The following PTPRF variants were observed in gnomAD, a reference collection of about 807,000 sequenced individuals.
PTPRF encodes protein tyrosine phosphatase receptor type F, also known as receptor-type tyrosine-protein phosphatase F.
A neutral mutation model predicts 201.8 loss-of-function variants in PTPRF; 59 were observed. The ratio of observed to expected loss-of-function variants is 0.29; its 90% CI spans 0.24 to 0.36. The LOEUF is 0.36. Ranked by LOEUF, PTPRF falls within the 10% of genes least tolerant of loss-of-function variation. PTPRF has a pLI of 1.00. For synonymous variants in PTPRF, 1,088 were observed against 1,089.7 expected, an observed-to-expected ratio of 1.00 and a Z score of 0.03; for missense variants, 2,132 against 2,690.5, an observed-to-expected ratio of 0.79 and a Z score of 4.59.
At chr1:43,568,804 C>T (rs942804808) in intron 5 of PTPRF, among the ~76,000 whole-genome samples, 1 of 152,208 alleles carries the variant, frequency 6.6e-6, no homozygotes, top group African/African-American at 2.4e-5. Flanking sequence ...TGTGTGCCGC[C>T]AACCCCTAGC....
chr1:43,566,019 T>C (rs1646152098), intron 5 of PTPRF, among the ~76,000 whole-genome samples: 1 of 151,988 alleles, frequency 6.6e-6, no homozygotes, highest in South Asian at 2.1e-4. Context: ...GGAAAATGGG[T>C]GGGTGCTTGC....
At chr1:43,609,640 C>G (rs1655972090) in intron 22 of PTPRF, 142 bp downstream of exon 22, 2 of 640,840 alleles carry the variant, frequency 3.1e-6, no homozygotes, top group South Asian at 1.9e-5. Context: ...CTGCCCTTCT[C>G]CCTGTGCTCA....
In PTPRF at chr1:43,591,296, T is replaced by TG; in HGVS notation, c.1275dup (p.Ser426GlufsTer119). ...CCGCGCCGCGTGCAGGCACGCATGC[T>TG]GAGCGCCAGCACCATGCTGGTGCAG... On this transcript the variant is annotated frameshift_variant, in exon 9 of 34. Coordinates refer to ENST00000359947, the MANE Select transcript of PTPRF (RefSeq NM_002840.5). LOFTEE classifies it high-confidence loss of function. 6.4e-7 allele frequency: 1 copy of TG among 1,552,558 alleles called. No individual in the cohort carries two copies. The highest frequency in any genetic ancestry group is 8.7e-7 in the Non-Finnish European group (1 of 1,149,996).
At position 43,622,334 on chromosome 1, in the gene PTPRF, T is replaced by C; in HGVS notation, c.*331T>C. Reference sequence around the variant, plus strand: ...GGTTGGGGCAAAGCCTCCTTTTTAATACATTAAGTGGGGTAGACTGAGGGA... The same window carrying C: ...GGTTGGGGCAAAGCCTCCTTTTTAACACATTAAGTGGGGTAGACTGAGGGA... On this transcript the variant is annotated 3_prime_UTR_variant, in exon 34 of 34. Coordinates refer to ENST00000359947, the MANE Select transcript of PTPRF (RefSeq NM_002840.5). 1 of 344,792 alleles carries C rather than the reference T, an allele frequency of 2.9e-6. No individual in the cohort carries two copies. The highest frequency in any genetic ancestry group is 5.4e-6 in the Non-Finnish European group (1 of 185,936). 21.4% of individuals were successfully genotyped at this position (344,792 alleles called of 1,614,324 possible).
chr1:43,595,119 C>T (rs150943539), intron 11 of PTPRF, among the ~76,000 whole-genome samples: 50 of 152,288 alleles, frequency 3.3e-4, no homozygotes, highest in African/African-American at 1.1e-3. Context: ...CAAGCCTAGA[C>T]GTTGCCAGAA....
intron 12 of PTPRF, 50 bp from the exon 13 acceptor site, chr1:43,598,670 C>G: frequency 6.4e-7 from 1 of 1,560,026 alleles, no homozygotes; most frequent in Non-Finnish European, 8.8e-7. Flanking sequence ...CCCACCTGAG[C>G]TAGGGTTGAT....
At position 43,597,733 on chromosome 1, in the gene PTPRF, A is replaced by G. The variant is rs781081978; in HGVS notation, c.1814-15A>G. Reference sequence around the variant, plus strand: ...CCCTCCATCTGCTTGCTTCCCCCCCATTTGTCTTCCCCAGCCCCCTCCGCC... The same window carrying G: ...CCCTCCATCTGCTTGCTTCCCCCCCGTTTGTCTTCCCCAGCCCCCTCCGCC... On this transcript the variant is annotated splice_polypyrimidine_tract_variant and intron_variant, in intron 11 of 33. Transcript: ENST00000359947. The G allele has an allele frequency of 1.0e-5, 5 of 480,682 alleles. No homozygotes were observed. The East Asian group carries it at 1.9e-4, about 18-fold the overall frequency. 29.8% of individuals were successfully genotyped at this position (480,682 alleles called of 1,614,324 possible). A position where few individuals can be genotyped will look rare whatever the true frequency, so the allele number is the denominator to read the frequency against.
chr1:43,603,998 T>G lies in PTPRF; in HGVS notation c.2846T>G (p.Ile949Ser). 1 of 1,614,176 alleles carries G rather than the reference T, an allele frequency of 6.2e-7. No individual in the cohort carries two copies. Among genetic ancestry groups the G allele is most frequent in the East Asian group, 2.2e-5 (1 of 44,884 alleles). The change falls in exon 16 of 34, where the codon ATC (isoleucine) becomes AGC (serine). Residue 949 changes from isoleucine (I) to serine (S), a missense_variant. Ile to Ser is a moderately radical substitution (Grantham distance 142). Transcript: ENST00000359947. This position sits in a 1 kb window ranked among gnomAD's most constrained non-coding sequence, Gnocchi z 5.8. ...PVLAERNGRI[I>S]SYTVVFRDIN... is the part of the protein sequence containing the mutation. Reference sequence around the variant, plus strand: ...CTGGCGGAGAGGAACGGGCGCATCATCAGCTACACCGTGGTGTTCCGAGAC... The same window carrying G: ...CTGGCGGAGAGGAACGGGCGCATCAGCAGCTACACCGTGGTGTTCCGAGAC...
At chr1:43,608,916 TC>T (rs1655793077) in intron 21 of PTPRF, among the ~76,000 whole-genome samples, 2 of 152,164 alleles carry the variant, frequency 1.3e-5, no homozygotes, top group African/African-American at 4.8e-5. Flanking sequence ...GTGACGCCTT[TC>T]CCGTCCCTCC....
chr1:43,532,627 G>T (rs761643934), intron 1 of PTPRF: 1 of 169,510 alleles, frequency 5.9e-6, no homozygotes, highest in East Asian at 1.5e-4. Flanking sequence ...AGGCTTCGGG[G>T]ATCTGAGGGA....
At chr1:43,609,323 A>C in intron 21 of PTPRF, 60 bp from the exon 22 acceptor site, 2 of 1,391,672 alleles carry the variant, frequency 1.4e-6, no homozygotes, top group Non-Finnish European at 2.0e-6. Context: ...CAGCCATGCC[A>C]TGTGTCACTG....
In PTPRF at chr1:43,619,550, A is replaced by G; in HGVS notation, c.4909A>G (p.Thr1637Ala). The change falls in exon 28 of 34, where the codon ACC (threonine) becomes GCC (alanine). Residue 1637 changes from threonine (T) to alanine (A), a missense_variant. Physicochemically the swap from Thr to Ala is moderately conservative, Grantham distance 58 (BLOSUM62 0). This residue lies in a region of PTPRF where 519 missense variants were observed against 659.5 expected (regional missense o/e 0.79). Transcript: ENST00000359947. ...LGQVPPGESV[T>A]AMELEFKLLA... ...CCAAGTGCCTCCAGGGGAGAGTGTG[A>G]CCGCCATGGAGCTCGAGTTCAAGGT... The G allele has an allele frequency of 1.2e-6, 2 of 1,612,826 alleles. No individual in the cohort carries two copies. The highest frequency in any genetic ancestry group is 1.7e-6 in the Non-Finnish European group (2 of 1,179,020).
intron 3 of PTPRF, among the ~76,000 whole-genome samples, chr1:43,550,120 G>C (rs1644926860): frequency 6.6e-6 from 1 of 151,956 alleles, no homozygotes; most frequent in African/African-American, 2.4e-5. Context: ...CTGGTCCCCC[G>C]GGCTGCCTTG....
At chr1:43,552,311 T>C (rs1206592337) in intron 3 of PTPRF, among the ~76,000 whole-genome samples, 3 of 152,166 alleles carry the variant, frequency 2.0e-5, no homozygotes, top group African/African-American at 7.2e-5. Flanking sequence ...TGAACTGTTT[T>C]GTACCAGGTG....
chr1:43,558,607 G>A (rs1020936672), intron 5 of PTPRF, among the ~76,000 whole-genome samples: 2 of 152,180 alleles, frequency 1.3e-5, no homozygotes, highest in Non-Finnish European at 2.9e-5. Flanking sequence ...CCATTAGCGC[G>A]CCAGCCTCTC....
chr1:43,598,547 G>T, intron 12 of PTPRF, 173 bp from the exon 13 acceptor site: 1 of 638,980 alleles, frequency 1.6e-6, no homozygotes, highest in Non-Finnish European at 2.7e-6. Flanking sequence ...TACCCGTGGC[G>T]GGCAGAGGGA....
chr1:43,610,924 A>G (rs889667586), intron 22 of PTPRF, among the ~76,000 whole-genome samples: 1 of 152,222 alleles, frequency 6.6e-6, no homozygotes, highest in Admixed American at 6.5e-5. Context: ...TTTATATGCT[A>G]CCTACCTATG....
At position 43,591,561 on chromosome 1, in the gene PTPRF, G is replaced by A. The variant is rs1391624274; in HGVS notation, c.1531+8G>A. 6.4e-7 allele frequency: 1 copy of A among 1,552,456 alleles called. No homozygotes were observed. The highest frequency in any genetic ancestry group is 2.4e-5 in the East Asian group (1 of 42,296). On this transcript the variant is annotated splice_region_variant and intron_variant, in intron 9 of 33. Transcript: ENST00000359947. ...TCAAGACGCAGCAGGGAGGTAGGTG[G>A]GGGCATGCCGGCTGGGCAGCCAACA...
chr1:43,613,959 G>A (rs567981414), intron 23 of PTPRF, among the ~76,000 whole-genome samples: 2 of 152,358 alleles, frequency 1.3e-5, no homozygotes, highest in South Asian at 2.1e-4. Context: ...TCAAAAGGCT[G>A]TGAGTGACAC....
Sources: allele counts gnomAD v4.1 joint callset (sites outside exome capture counted in the v4.1 genomes callset), GRCh38; gene constraint gnomAD v4.1.1; regional missense constraint gnomAD v4.1.1; non-coding constraint Gnocchi (gnomAD v3.1); transcripts MANE v1.5; gene names NCBI Gene and HGNC (gene_info 2026-07-23, HGNC 2026-07-21).